Variants in SYN1 observed in about 807,000 individuals in gnomAD.
The protein encoded by SYN1 is synapsin I, also known as synapsin-1.
Under a neutral mutation model 44.6 loss-of-function variants are expected in SYN1, and 8 were observed. The ratio of observed to expected loss-of-function variants is 0.18; its 90% CI spans 0.11 to 0.32. The LOEUF (loss-of-function observed/expected upper bound fraction) is 0.32. Among genes scored for constraint, SYN1 ranks in the 10% least tolerant of loss-of-function variants. The probability of loss-of-function intolerance (pLI) is 1.00; values close to 1 mark genes in which losing one functional copy is unlikely to be tolerated. For missense variants in SYN1, 451 were observed against 639.4 expected, an observed-to-expected ratio of 0.71 and a Z score of 3.18; for synonymous variants, 275 against 280.1, an observed-to-expected ratio of 0.98 and a Z score of 0.18.
intron 12 of SYN1, among the ~76,000 whole-genome samples, 169 bp from the exon 13 acceptor site, chrX:47,573,168 C>G (rs1204783238): frequency 9.0e-6 from 1 of 111,730 alleles, no homozygotes; most frequent in African/African-American, 3.3e-5. Context: ...CTAACAGGTT[C>G]TCAAGGCTGG....
intron 5 of SYN1, among the ~76,000 whole-genome samples, chrX:47,592,756 T>A (rs761151046): frequency 8.9e-6 from 1 of 111,984 alleles, no homozygotes; most frequent in Non-Finnish European, 1.9e-5. Context: ...AATATCTTAT[T>A]TTTTTTGTTG....
chrX:47,611,678 C>A (rs2057917114), intron 1 of SYN1, among the ~76,000 whole-genome samples: 1 of 111,574 alleles, frequency 9.0e-6, no homozygotes, highest in Non-Finnish European at 1.9e-5. Flanking sequence ...CACTGGACCA[C>A]CACATGGATT....
At chrX:47,614,735 G>C (rs1354443635) in intron 1 of SYN1, among the ~76,000 whole-genome samples, 4 of 111,709 alleles carry the variant, frequency 3.6e-5, no homozygotes, top group African/African-American at 1.3e-4. Flanking sequence ...TCCCTCACTG[G>C]GCATTGGCCT....
chrX:47,575,786 C>T (rs997721027), intron 9 of SYN1, among the ~76,000 whole-genome samples: 2 of 111,831 alleles, frequency 1.8e-5, no homozygotes, highest in African/African-American at 3.3e-5. Flanking sequence ...CCCTGCTTCA[C>T]GGTTTTCTAG....
chrX:47,582,588 CG>C, intron 5 of SYN1: 1 of 366,882 alleles, frequency 2.7e-6, no homozygotes, highest in Non-Finnish European at 5.5e-6. Flanking sequence ...GCTTGGCCTG[CG>C]GGTACCAGGA....
intron 5 of SYN1, among the ~76,000 whole-genome samples, chrX:47,581,386 C>T (rs1256710870): frequency 8.9e-6 from 1 of 112,129 alleles, no homozygotes; most frequent in Admixed American, 9.4e-5. Flanking sequence ...AAGGATTGCC[C>T]CACCCCACCC....
chrX:47,572,746 G>T lies in SYN1; in HGVS notation c.*118C>A, dbSNP rs1030612692. 17 of 1,049,687 alleles carry T rather than the reference G, an allele frequency of 1.6e-5. No homozygotes were observed. Among genetic ancestry groups the T allele is most frequent in the Non-Finnish European group, 2.2e-5 (17 of 760,201 alleles). 86.5% of individuals were successfully genotyped at this position (1,049,687 alleles called of 1,213,427 possible). A position where few individuals can be genotyped will look rare whatever the true frequency, so the allele number is the denominator to read the frequency against. On this transcript the variant is annotated 3_prime_UTR_variant, in exon 13 of 13. Coordinates refer to ENST00000295987, the MANE Select transcript of SYN1 (RefSeq NM_006950.3). ...CGGGGATCTTGAGGAATGAGAGGTG[G>T]AATCTTGGAGAACCGGGAGATGGGT...
intron 5 of SYN1, among the ~76,000 whole-genome samples, chrX:47,577,948 TG>T (rs2057783345): frequency 9.1e-6 from 1 of 110,457 alleles, no homozygotes; most frequent in Admixed American, 9.7e-5. Context: ...AAGCCTCACC[TG>T]CACACATAAA....
At chrX:47,577,539 G>A (rs746618799) in intron 5 of SYN1, 38 bp from the exon 6 acceptor site, 1 of 1,165,529 alleles carries the variant, frequency 8.6e-7, no homozygotes, top group South Asian at 1.9e-5. Context: ...GCTCAGGGCA[G>A]AAAGGGTGAC....
chrX:47,580,510 A>T (rs1212084972), intron 5 of SYN1, among the ~76,000 whole-genome samples: 1 of 109,575 alleles, frequency 9.1e-6, no homozygotes, highest in Admixed American at 9.6e-5. Flanking sequence ...GTGTGCCTGT[A>T]ACCCCAGCTA....
rs1165500127 is a variant in SYN1 at position 47,619,346 on chromosome X, G to C, written c.377+6C>G. 2.5e-5 allele frequency: 30 copies of C among 1,199,510 alleles called. No homozygotes were observed. Among genetic ancestry groups the C allele is most frequent in the Non-Finnish European group, 2.9e-5 (26 of 894,146 alleles). On this transcript the variant is annotated splice_donor_region_variant and intron_variant, in intron 1 of 12. Coordinates refer to ENST00000295987, the MANE Select transcript of SYN1 (RefSeq NM_006950.3). ...CCCACGGGAGACGTCCGCGGCAGTG[G>C]CTTACCAGTCGGTGTGCGGCTCGTC...
At chrX:47,617,807 GGT>G (rs1381248746) in intron 1 of SYN1, among the ~76,000 whole-genome samples, 16 of 112,237 alleles carry the variant, frequency 1.4e-4, no homozygotes, top group African/African-American at 4.5e-4. Flanking sequence ...TGGAAGAAAA[GGT>G]CTTTGGGGGA....
At chrX:47,583,580 C>T in intron 5 of SYN1, 1 of 1,148,070 alleles carries the variant, frequency 8.7e-7, no homozygotes, top group Non-Finnish European at 1.2e-6. Context: ...GCCTTGGTTT[C>T]CCTTTCAGTC....
At chrX:47,578,435 G>A (rs2057784803) in intron 5 of SYN1, among the ~76,000 whole-genome samples, 1 of 111,547 alleles carries the variant, frequency 9.0e-6, no homozygotes, top group African/African-American at 3.3e-5. Flanking sequence ...GGACCCGTAA[G>A]AGACCCACGC....
intron 12 of SYN1, 22 bp downstream of exon 12, chrX:47,573,980 G>C: frequency 9.0e-7 from 1 of 1,111,301 alleles, no homozygotes; most frequent in Non-Finnish European, 1.2e-6. Flanking sequence ...CAAGGCGAAG[G>C]CTGCTGTAGG....
chrX:47,583,024 C>T (rs1456197262), intron 5 of SYN1, among the ~76,000 whole-genome samples: 1 of 92,085 alleles, frequency 1.1e-5, no homozygotes, highest in Non-Finnish European at 2.1e-5. Flanking sequence ...TCTTAATATA[C>T]ACAACCCCTA....
chrX:47,594,300 G>A (rs55719639), intron 5 of SYN1, among the ~76,000 whole-genome samples: 1 of 109,279 alleles, frequency 9.2e-6, no homozygotes, highest in Non-Finnish European at 1.9e-5. Flanking sequence ...GGGAGGCAGA[G>A]GCAAGTGGAT....
Position 47,619,542 on chromosome X carries a change from G to A in SYN1, c.187C>T (p.Pro63Ser). The A allele has an allele frequency of 8.4e-7, 1 of 1,190,760 alleles. No homozygotes were observed. The highest frequency in any genetic ancestry group is 1.1e-6 in the Non-Finnish European group (1 of 886,872). Residue 63 changes from proline to serine, a missense_variant, in exon 1 of 13, where the codon CCG becomes TCG. By Grantham distance (74) the Pro-to-Ser change is moderately conservative (BLOSUM62 -1). Coordinates refer to ENST00000295987, the MANE Select transcript of SYN1 (RefSeq NM_006950.3). ...GAGGACCCGGGGCTAGGGGCGGCCGGAGAGGCCGCTGGGGCGACCCCGGAG... is the reference window on the plus strand; with the variant it reads ...GAGGACCCGGGGCTAGGGGCGGCCGAAGAGGCCGCTGGGGCGACCCCGGAG... ...RSSGVAPAAS[P>S]AAPSPGSSGG...
intron 10 of SYN1, 58 bp downstream of exon 10, chrX:47,575,070 C>A (rs1304310617): frequency 8.6e-6 from 10 of 1,161,814 alleles, no homozygotes; most frequent in African/African-American, 1.8e-5. Context: ...CACAGCATGA[C>A]CCAGGGCCGG....
Sources: gnomAD v4.1 joint callset for allele counts (sites outside exome capture counted in the v4.1 genomes callset) on GRCh38, gnomAD v4.1.1 for gene constraint, MANE v1.5 for transcripts, NCBI Gene and HGNC (gene_info 2026-07-23, HGNC 2026-07-21) for gene names.